PIGL: variants seen among roughly 807,000 people sequenced by gnomAD.
PIGL encodes the protein phosphatidylinositol glycan anchor biosynthesis class L.
In PIGL, 22 loss-of-function variants were observed where a neutral mutation model predicts 31.1. That is an observed-to-expected ratio of 0.71 (90% CI 0.51 to 1.01). PIGL has a LOEUF of 1.01. Ranked by LOEUF, PIGL falls within the 50% of genes least tolerant of loss-of-function variation. PIGL has a pLI of 0.00. For missense variants in PIGL, 302 were observed against 315.9 expected (o/e 0.96, Z 0.33); for synonymous variants, 131 against 117.4 (o/e 1.12, Z -0.75).
rs2093078526 is a variant in PIGL at position 16,316,681 on chromosome 17, G to C, written c.495G>C (p.Arg165Ser). The C allele has an allele frequency of 1.9e-6, 3 of 1,600,704 alleles. No homozygotes were observed. The highest frequency in any genetic ancestry group is 1.7e-6 in the Non-Finnish European group (2 of 1,169,356). The change falls in exon 5 of 7, where the codon AGG becomes AGC. Residue 165 changes from arginine to serine, a missense_variant and splice_region_variant. Transcript: ENST00000225609. ...SNHIALYAAVRALHSEGKLPK... is the reference protein window; with the variant it reads ...SNHIALYAAVSALHSEGKLPK... ...CACTCTTGTCCTATCCCTCCTCCAG[G>C]GCCCTGCACTCAGAAGGGAAGTTAC... is the stretch of plus-strand genomic sequence containing the variant.
chr17:16,244,985 T>C (rs1228222868), intron 2 of PIGL, among the ~76,000 whole-genome samples: 1 of 151,676 alleles, frequency 6.6e-6, no homozygotes, highest in Non-Finnish European at 1.5e-5. Context: ...GACTAGAGTG[T>C]GTTTTTTGTT....
intron 1 of PIGL, among the ~76,000 whole-genome samples, chr17:16,222,530 A>T (rs1486367196): frequency 1.3e-5 from 2 of 152,128 alleles, no homozygotes; most frequent in African/African-American, 4.8e-5. Context: ...ACAAAGTTTA[A>T]GTAACAACTG....
chr17:16,314,782 AT>A (rs1469883914), intron 4 of PIGL, among the ~76,000 whole-genome samples: 1 of 152,080 alleles, frequency 6.6e-6, no homozygotes, highest in Non-Finnish European at 1.5e-5. Context: ...TGAAATACAA[AT>A]TTTTTTGATG....
intron 1 of PIGL, among the ~76,000 whole-genome samples, chr17:16,229,206 G>T (rs73281934): frequency 6.6e-6 from 1 of 152,086 alleles, no homozygotes; most frequent in Non-Finnish European, 1.5e-5. Flanking sequence ...GAATCCAGGA[G>T]GTCAAGGCTG....
rs1600769642 is a variant in PIGL, at chr17:16,245,450, T to C, written c.335+11380T>C. The stretch of plus-strand genomic sequence containing the variant: ...CCTAGAGTGTGTTTTTTACTTATGA[T>C]ATTTTCAGTTTAGGATGGGTTTATT... On this transcript the variant is annotated intron_variant, in intron 2 of 6. Coordinates refer to ENST00000225609, the MANE Select transcript of PIGL (RefSeq NM_004278.4). Among the ~76,000 whole-genome samples, 5 of 151,878 alleles carry C rather than the reference T, an allele frequency of 3.3e-5. No individual in the cohort carries two copies. The South Asian group carries it at 8.3e-4, about 25-fold the overall frequency.
At chr17:16,232,344 A>G (rs1175204833) in intron 1 of PIGL, among the ~76,000 whole-genome samples, 1 of 152,122 alleles carries the variant, frequency 6.6e-6, no homozygotes, top group Non-Finnish European at 1.5e-5. Context: ...CCACCCCAAA[A>G]GATTATTTTG....
intron 2 of PIGL, among the ~76,000 whole-genome samples, chr17:16,290,908 G>C (rs2092957680): frequency 6.6e-6 from 1 of 151,994 alleles, no homozygotes; most frequent in Non-Finnish European, 1.5e-5. Flanking sequence ...TTGAACTCCT[G>C]TGCTCAAGTG....
At chr17:16,316,740 CA>C in intron 5 of PIGL, 28 bp downstream of exon 5, 1 of 1,609,014 alleles carries the variant, frequency 6.2e-7, no homozygotes, top group East Asian at 2.2e-5. Context: ...TGCAAAGGGC[CA>C]CAAGATACTG....
intron 3 of PIGL, among the ~76,000 whole-genome samples, chr17:16,301,004 T>A (rs1387820607): frequency 6.6e-6 from 1 of 152,210 alleles, no homozygotes; most frequent in Non-Finnish European, 1.5e-5. Flanking sequence ...TGTCTACCAC[T>A]CAAAAAATAT....
At chr17:16,289,232 A>G (rs2092950569) in intron 2 of PIGL, among the ~76,000 whole-genome samples, 2 of 152,240 alleles carry the variant, frequency 1.3e-5, no homozygotes, top group Non-Finnish European at 2.9e-5. Context: ...GCCTTTTATC[A>G]TTTCTGAGCT....
At chr17:16,300,174 C>A in intron 3 of PIGL, 196 bp downstream of exon 3, 1 of 565,122 alleles carries the variant, frequency 1.8e-6, no homozygotes, top group Non-Finnish European at 3.2e-6. Flanking sequence ...TCTTTACGAT[C>A]TTGTGTGAGA....
At chr17:16,311,013 C>T (rs1425532135) in intron 3 of PIGL, among the ~76,000 whole-genome samples, 1 of 152,132 alleles carries the variant, frequency 6.6e-6, no homozygotes, top group Non-Finnish European at 1.5e-5. Flanking sequence ...AAATGTTAGC[C>T]ACTCTTATTA....
chr17:16,272,179 G>A (rs2092875954), intron 2 of PIGL, among the ~76,000 whole-genome samples: 1 of 152,136 alleles, frequency 6.6e-6, no homozygotes, highest in Non-Finnish European at 1.5e-5. Flanking sequence ...AACAAGTTGT[G>A]AATATCAAAT....
intron 2 of PIGL, among the ~76,000 whole-genome samples, chr17:16,265,071 G>A (rs960705390): frequency 1.3e-5 from 2 of 152,170 alleles, no homozygotes; most frequent in Non-Finnish European, 2.9e-5. Context: ...TGAGGAATCA[G>A]CCAACTGGCT....
At chr17:16,287,525 C>G (rs1458235346) in intron 2 of PIGL, among the ~76,000 whole-genome samples, 1 of 152,138 alleles carries the variant, frequency 6.6e-6, no homozygotes, top group Non-Finnish European at 1.5e-5. Flanking sequence ...AGCTGAGACT[C>G]GAATACATTC....
chr17:16,269,527 G>A (rs528654974), intron 2 of PIGL, among the ~76,000 whole-genome samples: 1 of 151,978 alleles, frequency 6.6e-6, no homozygotes, highest in East Asian at 1.9e-4. Flanking sequence ...GGCATGTGCC[G>A]GTAATCCCAG....
intron 2 of PIGL, among the ~76,000 whole-genome samples, chr17:16,275,451 C>A (rs572143033): frequency 1.1e-4 from 16 of 152,240 alleles, no homozygotes; most frequent in African/African-American, 3.6e-4. Context: ...GTGCTGACCT[C>A]CTATCTCATC....
intron 1 of PIGL, among the ~76,000 whole-genome samples, chr17:16,224,360 A>C (rs896978858): frequency 6.6e-6 from 1 of 151,700 alleles, no homozygotes; most frequent in Non-Finnish European, 1.5e-5. Context: ...ACAGAGCCTC[A>C]CTGTTGCACA....
At chr17:16,289,639 T>C (rs2092952010) in intron 2 of PIGL, among the ~76,000 whole-genome samples, 1 of 152,186 alleles carries the variant, frequency 6.6e-6, no homozygotes. Flanking sequence ...TTTATGACCA[T>C]TCCCTGTAGA....
Sources: gnomAD v4.1 joint callset for allele counts (sites outside exome capture counted in the v4.1 genomes callset) on GRCh38, gnomAD v4.1.1 for gene constraint, MANE v1.5 for transcripts, NCBI Gene and HGNC (gene_info 2026-07-23, HGNC 2026-07-21) for gene names.